Variants in LRRK1 observed in about 807,000 individuals in gnomAD.
The protein encoded by LRRK1 is leucine rich repeat kinase 1, also known as leucine-rich repeat serine/threonine-protein kinase 1.
LRRK1 carries 113 observed loss-of-function variants against 209.1 expected under a neutral mutation model. The observed-to-expected ratio is 0.54, with a 90% CI of 0.46 to 0.63. The LOEUF (loss-of-function observed/expected upper bound fraction) is 0.63. Ranked by LOEUF, LRRK1 falls within the 30% of genes least tolerant of loss-of-function variation. The pLI, the probability that LRRK1 is intolerant of heterozygous loss-of-function variation, is 0.00. For synonymous variants in LRRK1, 1,144 were observed against 1,099.7 expected, an observed-to-expected ratio of 1.04 and a Z score of -0.80; for missense variants, 2,284 against 2,632.2, an observed-to-expected ratio of 0.87 and a Z score of 2.89.
At position 101,015,318 on chromosome 15, in the gene LRRK1, C is replaced by T. The variant is rs2033480112; in HGVS notation, c.1533-8C>T. ...TCCTCAAATTTTGTCTCTTTTTCCT[C>T]CCCCCAGAAATGAAGATGGACTGAA... On this transcript the variant is annotated splice_region_variant and splice_polypyrimidine_tract_variant and intron_variant, in intron 11 of 33. Coordinates refer to ENST00000388948, the MANE Select transcript of LRRK1 (RefSeq NM_024652.6). 1 of 1,609,954 alleles carries T rather than the reference C, an allele frequency of 6.2e-7. No individual in the cohort carries two copies. Among genetic ancestry groups the T allele is most frequent in the Non-Finnish European group, 8.5e-7 (1 of 1,177,106 alleles).
intron 2 of LRRK1, among the ~76,000 whole-genome samples, chr15:100,940,285 T>C (rs569864853): frequency 6.6e-6 from 1 of 152,218 alleles, no homozygotes; most frequent in Non-Finnish European, 1.5e-5. Flanking sequence ...TTCTTCTTTT[T>C]TCTAAATTTA....
Position 101,022,668 on chromosome 15 carries a change from C to T in LRRK1, c.2067+71C>T, listed in dbSNP as rs2033853221. The T allele has an allele frequency of 1.8e-6, 2 of 1,090,652 alleles. No homozygotes were observed. Among genetic ancestry groups the T allele is most frequent in the South Asian group, 1.5e-5 (1 of 65,958 alleles). 67.6% of individuals were successfully genotyped at this position (1,090,652 alleles called of 1,614,324 possible). A position where few individuals can be genotyped will look rare whatever the true frequency, so the allele number is the denominator to read the frequency against. ...TCCCTTGGACTCCTTCTCCCTTCTC[C>T]CCAGAGAGCCCAGGATTTTCTCAGC... On this transcript the variant is annotated intron_variant, in intron 15 of 33. Coordinates refer to ENST00000388948, the MANE Select transcript of LRRK1 (RefSeq NM_024652.6). The surrounding 1 kb of genome is among the most constrained non-coding windows in gnomAD (Gnocchi z 4.0).
At chr15:101,056,656 AAAATGGATAGAT>A (rs1419849094) in intron 27 of LRRK1, among the ~76,000 whole-genome samples, 188 bp from the exon 28 acceptor site, 6 of 152,158 alleles carry the variant, frequency 3.9e-5, no homozygotes, top group African/African-American at 7.2e-5. Flanking sequence ...GAAGGGTGAG[AAAATGGATAGAT>A]AAATGGATAG....
At chr15:100,971,689 A>G (rs1049831826) in intron 2 of LRRK1, among the ~76,000 whole-genome samples, 6 of 152,182 alleles carry the variant, frequency 3.9e-5, no homozygotes, top group African/African-American at 1.4e-4. Context: ...TGTTAACTAT[A>G]GTCACCCTAC....
Position 101,065,541 on chromosome 15 carries a change from G to T in LRRK1, c.5104G>T (p.Gly1702Cys). The change falls in exon 32 of 34, where the codon GGC becomes TGC. Residue 1702 changes from glycine to cysteine, a missense_variant. Transcript: ENST00000388948. ...GAAGGCCATGGAGGTGGTCAACAGC[G>T]GCTCTGAGGTCTGGTACAGCAATGG... ...PVKAMEVVNS[G>C]SEVWYSNGPG... 6.2e-7 allele frequency: 1 copy of T among 1,614,184 alleles called. No homozygotes were observed. Among genetic ancestry groups the T allele is most frequent in the South Asian group, 1.1e-5 (1 of 91,088 alleles).
At chr15:101,028,741 G>A (rs1357107212) in intron 19 of LRRK1, among the ~76,000 whole-genome samples, 9 of 152,350 alleles carry the variant, frequency 5.9e-5, no homozygotes, top group African/African-American at 1.7e-4. Flanking sequence ...TTACCCAGGC[G>A]GCCATCAGCC....
chr15:100,957,755 T>C lies in LRRK1; in HGVS notation c.98-16049T>C, dbSNP rs551906269. On this transcript the variant is annotated intron_variant, in intron 2 of 33. Coordinates refer to ENST00000388948, the MANE Select transcript of LRRK1 (RefSeq NM_024652.6). Reference sequence around the variant, plus strand: ...TGGATTTTTTAATCTATTCAGCTACTGTGTGTCTTTTGATTGGAAAAGTCA... The same window carrying C: ...TGGATTTTTTAATCTATTCAGCTACCGTGTGTCTTTTGATTGGAAAAGTCA... 2.0e-5 allele frequency among the ~76,000 whole-genome samples: 3 copies of C among 152,396 alleles called. No individual in the cohort carries two copies. The South Asian group carries it at 6.2e-4, about 32-fold the overall frequency.
At chr15:100,960,643 G>A (rs1180289977) in intron 2 of LRRK1, among the ~76,000 whole-genome samples, 4 of 152,186 alleles carry the variant, frequency 2.6e-5, no homozygotes, top group African/African-American at 7.2e-5. Context: ...GTGTTTGAAA[G>A]TAAACTCTGG....
At chr15:101,052,508 G>C (rs1470483797) in intron 24 of LRRK1, among the ~76,000 whole-genome samples, 1 of 152,070 alleles carries the variant, frequency 6.6e-6, no homozygotes, top group Admixed American at 6.5e-5. Flanking sequence ...CTGAGCCTTG[G>C]ACCCCTCAAA....
rs752966389 is a variant in LRRK1 at position 101,066,045 on chromosome 15, C to T, written c.5608C>T (p.Pro1870Ser). The part of the protein sequence containing the change: ...PSSPASSSSV[P>S]FSTDCEDSDM... ...CTCCCCAGCAAGTTCTTCCAGTGTGCCTTTCTCCACCGACTGCGAGGACTC... is the reference window on the plus strand; with the variant it reads ...CTCCCCAGCAAGTTCTTCCAGTGTGTCTTTCTCCACCGACTGCGAGGACTC... The change falls in exon 32 of 34, where the codon CCT (proline) becomes TCT (serine). Residue 1870 changes from proline (P) to serine (S), a missense_variant. Coordinates refer to ENST00000388948, the MANE Select transcript of LRRK1 (RefSeq NM_024652.6). The T allele has an allele frequency of 1.2e-6, 2 of 1,614,154 alleles. No homozygotes were observed. Among genetic ancestry groups the T allele is most frequent in the Non-Finnish European group, 1.7e-6 (2 of 1,180,030 alleles).
At chr15:100,948,161 C>T (rs2042578629) in intron 2 of LRRK1, among the ~76,000 whole-genome samples, 1 of 152,202 alleles carries the variant, frequency 6.6e-6, no homozygotes, top group African/African-American at 2.4e-5. Flanking sequence ...CCAAAGCCAG[C>T]TTGTCTTGTT....
chr15:101,004,922 C>T (rs2032871101), intron 6 of LRRK1, among the ~76,000 whole-genome samples: 1 of 152,186 alleles, frequency 6.6e-6, no homozygotes, highest in South Asian at 2.1e-4. Context: ...TTATGATGGT[C>T]CCCAGAGTTT....
Position 101,019,101 on chromosome 15 carries a change from T to A in LRRK1, c.1610-1952T>A, listed in dbSNP as rs112077271. Among the ~76,000 whole-genome samples the A allele has an allele frequency of 9.2e-3, 1,397 of 152,334 alleles. 26 individuals carry two copies. Among genetic ancestry groups the A allele is most frequent in the African/African-American group, 0.032 (1,337 of 41,568 alleles). On this transcript the variant is annotated intron_variant, in intron 12 of 33. Coordinates refer to ENST00000388948, the MANE Select transcript of LRRK1 (RefSeq NM_024652.6). ...TACAGTTCTTAAATACCTTGAACTG[T>A]GTTCTCCCCAGCTCAGTGCCCATCG...
intron 2 of LRRK1, among the ~76,000 whole-genome samples, chr15:100,951,081 C>A (rs975837620): frequency 6.6e-6 from 1 of 152,170 alleles, no homozygotes; most frequent in Non-Finnish European, 1.5e-5. Context: ...CCAGCCTGGG[C>A]TACAGAGTGA....
Position 101,022,486 on chromosome 15 carries a change from C to T in LRRK1, c.1956C>T (p.Ser652=), listed in dbSNP as rs2033842657. ...IIVGPPRQGK[S]TLLEILQTGR... is the part of the protein sequence containing the mutation. ...TGGGTCCCCCGCGCCAGGGCAAGTC[C>T]ACCCTCCTGGAGATCTTACAGACGG... Residue 652 remains serine, a synonymous_variant, in exon 15 of 34, where the codon TCC becomes TCT. Coordinates refer to ENST00000388948, the MANE Select transcript of LRRK1 (RefSeq NM_024652.6). This position sits in a 1 kb window ranked among gnomAD's most constrained non-coding sequence, Gnocchi z 4.0. 2 of 1,614,222 alleles carry T rather than the reference C, an allele frequency of 1.2e-6. No homozygotes were observed. Among genetic ancestry groups the T allele is most frequent in the Admixed American group, 1.7e-5 (1 of 60,030 alleles).
Position 101,022,509 on chromosome 15 carries a change from C to A in LRRK1, c.1979C>A (p.Thr660Lys), listed in dbSNP as rs530260600. ...TCCACCCTCCTGGAGATCTTACAGA[C>A]GGGGAGGGCCCCCCAGGTGGTGCAT... Reference protein sequence around the residue: ...GKSTLLEILQTGRAPQVVHGE... With the variant: ...GKSTLLEILQKGRAPQVVHGE... Residue 660 changes from threonine (T) to lysine (K), a missense_variant, in exon 15 of 34, where the codon ACG becomes AAG. Thr to Lys is a moderately conservative substitution (Grantham distance 78, BLOSUM62 -1). Transcript: ENST00000388948. This position sits in a 1 kb window ranked among gnomAD's most constrained non-coding sequence, Gnocchi z 4.0. 11 of 1,614,070 alleles carry A rather than the reference C, an allele frequency of 6.8e-6. No individual in the cohort carries two copies. The highest frequency in any genetic ancestry group is 1.1e-5 in the South Asian group (1 of 91,096).
chr15:101,023,640 T>C (rs2033895311), intron 15 of LRRK1, among the ~76,000 whole-genome samples: 1 of 152,182 alleles, frequency 6.6e-6, no homozygotes, highest in African/African-American at 2.4e-5. Flanking sequence ...ATCCAGATGG[T>C]CCATGATTTT....
At chr15:100,987,311 G>A (rs1280074134) in intron 4 of LRRK1, among the ~76,000 whole-genome samples, 1 of 152,140 alleles carries the variant, frequency 6.6e-6, no homozygotes, top group Non-Finnish European at 1.5e-5. Flanking sequence ...CTCTGGAAAT[G>A]AGGCAGTGTT....
Position 101,012,117 on chromosome 15 carries a change from A to C in LRRK1, c.1391A>C (p.Glu464Ala). 1 of 1,611,984 alleles carries C rather than the reference A, an allele frequency of 6.2e-7. No individual in the cohort carries two copies. The highest frequency in any genetic ancestry group is 8.5e-7 in the Non-Finnish European group (1 of 1,179,510). ...DVDFSENALK[E>A]VPLGLFQLDA... ...GATTTCTCAGAAAACGCACTCAAAG[A>C]AGTTCCCCTGGGACTTTTCCAGCTT... Residue 464 changes from glutamate to alanine, a missense_variant, in exon 10 of 34, where the codon GAA becomes GCA. Glu to Ala is a moderately radical substitution (Grantham distance 107). Coordinates refer to ENST00000388948, the MANE Select transcript of LRRK1 (RefSeq NM_024652.6).
Sources: allele counts gnomAD v4.1 joint callset (sites outside exome capture counted in the v4.1 genomes callset), GRCh38; gene constraint gnomAD v4.1.1; non-coding constraint Gnocchi (gnomAD v3.1); transcripts MANE v1.5; gene names NCBI Gene and HGNC (gene_info 2026-07-23, HGNC 2026-07-21).